The following DYM variants were observed in gnomAD, a reference collection of about 807,000 sequenced individuals.
The protein encoded by DYM is dyggve-Melchior-Clausen syndrome protein.
DYM carries 78 observed loss-of-function variants against 93.1 expected under a neutral mutation model. That is an observed-to-expected ratio of 0.84 (90% CI 0.70 to 1.01). DYM has a LOEUF of 1.01. DYM is among the 50% of genes least tolerant of loss of function. The probability of loss-of-function intolerance (pLI) is 0.00; values close to 1 mark genes in which losing one functional copy is unlikely to be tolerated. For synonymous variants in DYM, 321 were observed against 319.7 expected, an observed-to-expected ratio of 1.00 and a Z score of -0.04; for missense variants, 789 against 845.0, an observed-to-expected ratio of 0.93 and a Z score of 0.82.
chr18:49,434,742 G>C (rs756231071), intron 1 of DYM, among the ~76,000 whole-genome samples: 2 of 151,984 alleles, frequency 1.3e-5, no homozygotes, highest in Non-Finnish European at 2.9e-5. Context: ...GAGGCAGGAG[G>C]ATCACTTGAG....
At chr18:49,115,474 A>T (rs901688991) in intron 16 of DYM, among the ~76,000 whole-genome samples, 5 of 152,328 alleles carry the variant, frequency 3.3e-5, no homozygotes, top group South Asian at 2.1e-4. Flanking sequence ...ATCTTTAAAC[A>T]TTTTTTTAAA....
At chr18:49,275,464 T>C (rs1440539881) in intron 10 of DYM, among the ~76,000 whole-genome samples, 1 of 152,192 alleles carries the variant, frequency 6.6e-6, no homozygotes, top group Admixed American at 6.5e-5. Flanking sequence ...TTTGTAATTT[T>C]ACATGAATTT....
chr18:49,163,900 T>C (rs1335277404), intron 14 of DYM, 113 bp from the exon 15 acceptor site: 4 of 723,020 alleles, frequency 5.5e-6, no homozygotes, highest in Non-Finnish European at 7.2e-6. Context: ...TACTTGTAAA[T>C]GATTCTTTCT....
At chr18:49,420,789 T>C in intron 2 of DYM, among the ~76,000 whole-genome samples, 1 of 152,010 alleles carries the variant, frequency 6.6e-6, no homozygotes, top group South Asian at 2.1e-4. Context: ...AGACAGCACC[T>C]GGAAAATCAG....
intron 2 of DYM, among the ~76,000 whole-genome samples, chr18:49,409,334 A>T (rs1049887666): frequency 2.0e-5 from 3 of 152,050 alleles, no homozygotes; most frequent in African/African-American, 7.2e-5. Context: ...AATATTAAAT[A>T]AAAAATTCTG....
chr18:49,084,776 G>T (rs985668246), intron 17 of DYM, among the ~76,000 whole-genome samples: 1 of 152,130 alleles, frequency 6.6e-6, no homozygotes, highest in Non-Finnish European at 1.5e-5. Flanking sequence ...AATGTTGACT[G>T]GAAGAAGAAA....
At chr18:49,155,773 C>T (rs1291298887) in intron 15 of DYM, among the ~76,000 whole-genome samples, 1 of 152,216 alleles carries the variant, frequency 6.6e-6, no homozygotes, top group Non-Finnish European at 1.5e-5. Flanking sequence ...CATGGTATCT[C>T]ACATGGTATG....
At chr18:49,235,365 A>G (rs1286018515) in intron 13 of DYM, among the ~76,000 whole-genome samples, 3 of 152,212 alleles carry the variant, frequency 2.0e-5, no homozygotes, top group Non-Finnish European at 2.9e-5. Context: ...TCTGACTGAT[A>G]CACCTGATGA....
chr18:49,292,592 GAAAAAAAAAAAAAAAAAAAAAA>G (rs72415237), intron 8 of DYM, among the ~76,000 whole-genome samples: 4 of 78,790 alleles, frequency 5.1e-5, no homozygotes, highest in Non-Finnish European at 5.2e-5. Flanking sequence ...TTTCCTGTTG[GAAAAAAAAAAAAAAAAAAAAAA>G]AAAAAAAAAA....
At chr18:49,067,447 TGAGCAC>T (rs1450314783) in intron 17 of DYM, among the ~76,000 whole-genome samples, 17 of 147,012 alleles carry the variant, frequency 1.2e-4, no homozygotes, top group East Asian at 2.1e-4. Flanking sequence ...TAGGGTGATG[TGAGCAC>T]TATGGAAGTT....
chr18:49,277,498 T>C (rs908644725), intron 10 of DYM, among the ~76,000 whole-genome samples: 1 of 152,196 alleles, frequency 6.6e-6, no homozygotes, highest in African/African-American at 2.4e-5. Flanking sequence ...AAAATTAGTA[T>C]GTTAAAACCC....
intron 15 of DYM, among the ~76,000 whole-genome samples, chr18:49,142,988 A>G (rs1177869377): frequency 6.6e-6 from 1 of 152,222 alleles, no homozygotes. Context: ...TCGTTCAGGA[A>G]GAATATATGG....
chr18:49,355,271 A>G (rs951816288), intron 6 of DYM, among the ~76,000 whole-genome samples: 1 of 152,034 alleles, frequency 6.6e-6, no homozygotes, highest in African/African-American at 2.4e-5. Flanking sequence ...CAATAGATAT[A>G]GATATCAATA....
At chr18:49,276,132 T>C (rs2094841419) in intron 10 of DYM, among the ~76,000 whole-genome samples, 1 of 152,116 alleles carries the variant, frequency 6.6e-6, no homozygotes, top group African/African-American at 2.4e-5. Flanking sequence ...AAAGCAGACA[T>C]CCTTGTTTTG....
chr18:49,236,737 C>T (rs7240529), intron 13 of DYM, among the ~76,000 whole-genome samples: 9,167 of 152,184 alleles, frequency 0.06, 927 homozygotes, highest in African/African-American at 0.21. Flanking sequence ...AACTTGCTCC[C>T]AAAAGGCCAC....
intron 13 of DYM, among the ~76,000 whole-genome samples, chr18:49,236,487 AAAAT>A (rs1555652861): frequency 1.5e-4 from 22 of 149,182 alleles, no homozygotes; most frequent in Non-Finnish European, 1.9e-4. Context: ...CTCAAAAAAA[AAAAT>A]AAATAAATAA....
intron 8 of DYM, among the ~76,000 whole-genome samples, chr18:49,288,880 A>G (rs1489807330): frequency 1.3e-5 from 2 of 152,242 alleles, no homozygotes; most frequent in Non-Finnish European, 2.9e-5. Context: ...ACAAGACTTT[A>G]TGTGATATTT....
At chr18:49,295,167 G>C (rs2060443547) in intron 8 of DYM, among the ~76,000 whole-genome samples, 1 of 152,098 alleles carries the variant, frequency 6.6e-6, no homozygotes, top group African/African-American at 2.4e-5. Context: ...AAACACCCAT[G>C]CTTTTCCTAC....
At chr18:49,444,024 G>A (rs553641975) in intron 1 of DYM, among the ~76,000 whole-genome samples, 8 of 152,314 alleles carry the variant, frequency 5.3e-5, no homozygotes, top group African/African-American at 1.9e-4. Context: ...AATCTGCTAA[G>A]ATGTGTAACA....
Sources: gnomAD v4.1 joint callset for allele counts (sites outside exome capture counted in the v4.1 genomes callset) on GRCh38, gnomAD v4.1.1 for gene constraint, MANE v1.5 for transcripts, NCBI Gene and HGNC (gene_info 2026-07-23, HGNC 2026-07-21) for gene names.